Variants in ITGB3 observed in about 807,000 individuals in gnomAD.
ITGB3 encodes integrin beta-3.
ITGB3 carries 48 observed loss-of-function variants against 85.8 expected under a neutral mutation model. The ratio of observed to expected loss-of-function variants is 0.56; its 90% confidence interval spans 0.44 to 0.71. The LOEUF is 0.71. Among genes scored for constraint, ITGB3 ranks in the 30% least tolerant of loss-of-function variants. ITGB3 has a pLI of 0.00. For synonymous variants in ITGB3, 363 were observed against 395.6 expected (o/e 0.92, Z 0.98); for missense variants, 861 against 1,019.1 (o/e 0.84, Z 2.11).
chr17:47,284,394 A>T (rs1421961597), intron 3 of ITGB3, 49 bp from the exon 4 acceptor site: 1 of 1,612,264 alleles, frequency 6.2e-7, no homozygotes, highest in Non-Finnish European at 8.5e-7. Flanking sequence ...CTGCTTATTC[A>T]ATCTTGGTGG....
At chr17:47,267,483 C>A (rs1369020435) in intron 1 of ITGB3, among the ~76,000 whole-genome samples, 1 of 152,160 alleles carries the variant, frequency 6.6e-6, no homozygotes, top group East Asian at 1.9e-4. Context: ...GCAGAGACTT[C>A]TGATGAGTCA....
intron 1 of ITGB3, among the ~76,000 whole-genome samples, chr17:47,270,162 C>T (rs1315279574): frequency 6.6e-6 from 1 of 152,184 alleles, no homozygotes; most frequent in African/African-American, 2.4e-5. Context: ...ATTATGGGTA[C>T]TACAGTTCAA....
chr17:47,296,657 A>T (rs1412890400), intron 10 of ITGB3, among the ~76,000 whole-genome samples: 1 of 152,178 alleles, frequency 6.6e-6, no homozygotes, highest in Non-Finnish European at 1.5e-5. Flanking sequence ...GTCTGGTGAT[A>T]TTTTTGATTG....
chr17:47,256,199 C>G (rs556486332), intron 1 of ITGB3, among the ~76,000 whole-genome samples: 4 of 152,192 alleles, frequency 2.6e-5, no homozygotes, highest in African/African-American at 9.6e-5. Flanking sequence ...GGCACGGTGG[C>G]TCACGCCTGT....
At chr17:47,293,150 A>G (rs1416547189) in intron 10 of ITGB3, among the ~76,000 whole-genome samples, 1 of 152,182 alleles carries the variant, frequency 6.6e-6, no homozygotes, top group Non-Finnish European at 1.5e-5. Flanking sequence ...GAACATTTCA[A>G]CGTGATAGAA....
At chr17:47,301,096 C>T (rs2065165600) in intron 12 of ITGB3, among the ~76,000 whole-genome samples, 1 of 152,200 alleles carries the variant, frequency 6.6e-6, no homozygotes, top group African/African-American at 2.4e-5. Context: ...CCTTCTGCCT[C>T]TCTGGGGCCC....
Position 47,291,013 on chromosome 17 carries a change from C to T in ITGB3, c.1185C>T (p.Ser395=). The T allele has an allele frequency of 6.2e-7, 1 of 1,614,128 alleles. No homozygotes were observed. The highest frequency in any genetic ancestry group is 2.2e-5 in the East Asian group (1 of 44,890). The change falls in exon 9 of 15, where the codon TCC becomes TCT. Residue 395 remains serine (S), a synonymous_variant. Transcript: ENST00000559488. ...VRDLPEELSL[S]FNATCLNNEV... The stretch of plus-strand genomic sequence containing the variant: ...ACCTCCCTGAAGAGTTGTCTCTATC[C>T]TTCAATGCCACCTGCCTCAACAATG...
intron 9 of ITGB3, 124 bp downstream of exon 9, chr17:47,291,212 A>G (rs1288471115): frequency 1.3e-5 from 15 of 1,117,158 alleles, no homozygotes; most frequent in Middle Eastern, 2.8e-4. Flanking sequence ...CAAGAAAAAT[A>G]CGTTTCCTGA....
At chr17:47,282,479 T>G (rs1364305800) in intron 2 of ITGB3, among the ~76,000 whole-genome samples, 1 of 152,264 alleles carries the variant, frequency 6.6e-6, no homozygotes, top group African/African-American at 2.4e-5. Flanking sequence ...ACTGTTATTA[T>G]GTTCGTGTTA....
At chr17:47,260,959 T>A (rs2065007110) in intron 1 of ITGB3, among the ~76,000 whole-genome samples, 1 of 152,240 alleles carries the variant, frequency 6.6e-6, no homozygotes, top group Non-Finnish European at 1.5e-5. Context: ...TACATACTTC[T>A]GATTTATTTG....
At chr17:47,262,194 G>A (rs1426839747) in intron 1 of ITGB3, among the ~76,000 whole-genome samples, 1 of 152,198 alleles carries the variant, frequency 6.6e-6, no homozygotes, top group Non-Finnish European at 1.5e-5. Flanking sequence ...AAGACAGGCT[G>A]GCAGTAAGGA....
chr17:47,275,227 TGAA>T (rs1436533837), intron 2 of ITGB3, among the ~76,000 whole-genome samples: 1 of 152,096 alleles, frequency 6.6e-6, no homozygotes, highest in Non-Finnish European at 1.5e-5. Flanking sequence ...TCACAGGTGT[TGAA>T]GAAAGGAGCT....
chr17:47,283,995 G>T (rs998226588), intron 3 of ITGB3, among the ~76,000 whole-genome samples: 1 of 152,174 alleles, frequency 6.6e-6, no homozygotes, highest in Non-Finnish European at 1.5e-5. Context: ...TTTAGAGGGA[G>T]GAAGGGTTAG....
At position 47,310,724 on chromosome 17, in the gene ITGB3, G is replaced by A. The variant is rs542501442; in HGVS notation, c.*520G>A. The A allele has an allele frequency of 5.1e-6, 1 of 196,574 alleles. No individual in the cohort carries two copies. Among genetic ancestry groups the A allele is most frequent in the South Asian group, 1.1e-4 (1 of 9,224 alleles). 12.2% of individuals were successfully genotyped at this position (196,574 alleles called of 1,614,324 possible). A position where few individuals can be genotyped will look rare whatever the true frequency, so the allele number is the denominator to read the frequency against. ...GGAACTGCTGGGCTTGGCAGCCCGG[G>A]TCATCTGTACCTCTGCCTCCTTTCC... On this transcript the variant is annotated 3_prime_UTR_variant, in exon 15 of 15. Transcript: ENST00000559488.
At chr17:47,254,764 G>A (rs891695272) in intron 1 of ITGB3, among the ~76,000 whole-genome samples, 3 of 152,194 alleles carry the variant, frequency 2.0e-5, no homozygotes, top group Non-Finnish European at 4.4e-5. Context: ...GGATGGAGCG[G>A]GCACAGCCCG....
At position 47,289,766 on chromosome 17, in the gene ITGB3, A is replaced by G. The variant is rs146336675; in HGVS notation, c.1025A>G (p.Asn342Ser). The G allele has an allele frequency of 4.1e-5, 66 of 1,612,368 alleles. No homozygotes were observed. The African/African-American group carries it at 4.7e-4, about 11-fold the overall frequency. ...LIFAVTENVV[N>S]LYQNYSELIP... is the part of the protein sequence containing the mutation. ...TTTGCAGTGACTGAAAATGTAGTCAATCTCTATCAGGTGACTGTGCCTTCG... is the reference window on the plus strand; with the variant it reads ...TTTGCAGTGACTGAAAATGTAGTCAGTCTCTATCAGGTGACTGTGCCTTCG... Residue 342 changes from asparagine (N) to serine (S), a missense_variant, in exon 7 of 15, where the codon AAT (asparagine) becomes AGT (serine). Physicochemically the swap from Asn to Ser is conservative, Grantham distance 46. Coordinates refer to ENST00000559488, the MANE Select transcript of ITGB3 (RefSeq NM_000212.3).
At chr17:47,262,576 G>A (rs1390016595) in intron 1 of ITGB3, among the ~76,000 whole-genome samples, 1 of 152,130 alleles carries the variant, frequency 6.6e-6, no homozygotes, top group Admixed American at 6.5e-5. Flanking sequence ...GCACCTTGAA[G>A]ATCATCAAAT....
intron 1 of ITGB3, among the ~76,000 whole-genome samples, chr17:47,265,521 C>T (rs538695078): frequency 3.9e-5 from 6 of 152,138 alleles, no homozygotes; most frequent in Non-Finnish European, 8.8e-5. Flanking sequence ...GTGGCATTCT[C>T]TCTATATGTC....
chr17:47,304,901 C>T lies in ITGB3; in HGVS notation c.2134+2061C>T, dbSNP rs1389457505. ...GGGATTCCAGGTGTGAGCCACTGCA[C>T]CTGGCCAAGCATCCTGTGTTTTTGT... On this transcript the variant is annotated intron_variant, in intron 13 of 14. Coordinates refer to ENST00000559488, the MANE Select transcript of ITGB3 (RefSeq NM_000212.3). Among the ~76,000 whole-genome samples, 11 of 152,310 alleles carry T rather than the reference C, an allele frequency of 7.2e-5. No individual in the cohort carries two copies. The East Asian group carries it at 2.1e-3, about 29-fold the overall frequency.
Sources: allele counts gnomAD v4.1 joint callset (sites outside exome capture counted in the v4.1 genomes callset), GRCh38; gene constraint gnomAD v4.1.1; transcripts MANE v1.5; gene names NCBI Gene and HGNC (gene_info 2026-07-23, HGNC 2026-07-21).